Variants in PSME4 observed in about 807,000 individuals in gnomAD.
PSME4 encodes the protein proteasome activator complex subunit 4.
A neutral mutation model predicts 253.9 loss-of-function variants in PSME4; 89 were observed. That is an observed-to-expected ratio of 0.35 (90% confidence interval 0.30 to 0.42). The LOEUF is 0.42. PSME4 is among the 10% of genes least tolerant of loss of function. The pLI is 1.00. For missense variants in PSME4, 2,014 were observed against 2,195.2 expected (o/e 0.92, Z 1.65); for synonymous variants, 851 against 759.2 (o/e 1.12, Z -1.99).
intron 1 of PSME4, among the ~76,000 whole-genome samples, chr2:53,965,654 G>A (rs186821362): frequency 2.0e-5 from 3 of 147,254 alleles, no homozygotes; most frequent in East Asian, 2.1e-4. Flanking sequence ...TTAAAATTTT[G>A]GTTGTGTGTT....
At chr2:53,927,944 C>T (rs1260612945) in intron 11 of PSME4, among the ~76,000 whole-genome samples, 173 bp downstream of exon 11, 2 of 151,948 alleles carry the variant, frequency 1.3e-5, no homozygotes, top group Non-Finnish European at 2.9e-5. Context: ...ACCAAGACTC[C>T]GTCTCAAAAT....
chr2:53,896,579 G>A lies in PSME4; in HGVS notation c.3688+225C>T, dbSNP rs775886223. 5.9e-4 allele frequency among the ~76,000 whole-genome samples: 89 copies of A among 152,122 alleles called. 3 individuals are homozygous for A. Among genetic ancestry groups the A allele is most frequent in the Non-Finnish European group, 1.9e-4 (13 of 68,010 alleles). ...AGTTGATAAAATAATTAGTATAATT[G>A]CTTAGTAGGTGAGATAAATATGAAG... On this transcript the variant is annotated intron_variant, in intron 32 of 46. Coordinates refer to ENST00000404125, the MANE Select transcript of PSME4 (RefSeq NM_014614.3).
At chr2:53,943,707 T>G (rs758076985) in intron 3 of PSME4, among the ~76,000 whole-genome samples, 5 of 151,854 alleles carry the variant, frequency 3.3e-5, no homozygotes, top group Non-Finnish European at 7.4e-5. Flanking sequence ...CTGGGTGTGG[T>G]GGCGCACACC....
chr2:53,963,894 T>C (rs1261759950), intron 1 of PSME4, among the ~76,000 whole-genome samples: 1 of 152,084 alleles, frequency 6.6e-6, no homozygotes, highest in Non-Finnish European at 1.5e-5. Flanking sequence ...GAATAAATAA[T>C]ATACTTCAAA....
chr2:53,956,112 A>G (rs1670226657), intron 1 of PSME4, among the ~76,000 whole-genome samples: 1 of 152,138 alleles, frequency 6.6e-6, no homozygotes, highest in Non-Finnish European at 1.5e-5. Flanking sequence ...GCAAAACCAC[A>G]TCTCTACAAA....
chr2:53,961,634 C>A (rs1001064414), intron 1 of PSME4, among the ~76,000 whole-genome samples: 1 of 151,902 alleles, frequency 6.6e-6, no homozygotes, highest in Non-Finnish European at 1.5e-5. Flanking sequence ...GCTGTGACAG[C>A]GCCACTGCAC....
At chr2:53,945,883 T>C (rs974741715) in intron 3 of PSME4, among the ~76,000 whole-genome samples, 1 of 152,228 alleles carries the variant, frequency 6.6e-6, no homozygotes, top group Non-Finnish European at 1.5e-5. Context: ...GTAGGTTATA[T>C]GATTTATAAA....
At chr2:53,907,817 C>G (rs963576190) in intron 24 of PSME4, among the ~76,000 whole-genome samples, 9 of 152,156 alleles carry the variant, frequency 5.9e-5, no homozygotes, top group Non-Finnish European at 1.0e-4. Flanking sequence ...ACAATGAACT[C>G]ATACAACCTT....
intron 20 of PSME4, among the ~76,000 whole-genome samples, chr2:53,915,866 T>A (rs1046285594): frequency 1.3e-5 from 2 of 151,822 alleles, no homozygotes; most frequent in South Asian, 4.2e-4. Flanking sequence ...AGGTCAGGAG[T>A]TCGAGACCAG....
At chr2:53,909,925 G>A (rs543919484) in intron 21 of PSME4, 150 bp downstream of exon 21, 34 of 737,956 alleles carry the variant, frequency 4.6e-5, no homozygotes, top group South Asian at 2.2e-4. Flanking sequence ...AGCAGAGATC[G>A]CGTCACCACA....
rs185318849 is a variant in PSME4 at position 53,949,994 on chromosome 2, G to A, written c.243-711C>T. Among the ~76,000 whole-genome samples, 33 of 152,228 alleles carry A rather than the reference G, an allele frequency of 2.2e-4. No individual in the cohort carries two copies. In the East Asian group the frequency reaches 4.2e-3, roughly 20 times the overall value. ...TGTACTTCAATTGAGACATAACCAG[G>A]CCAGGCAAAGTAGTTCATGCCTGTA... On this transcript the variant is annotated intron_variant, in intron 1 of 46. Coordinates refer to ENST00000404125, the MANE Select transcript of PSME4 (RefSeq NM_014614.3).
At chr2:53,943,169 G>T (rs1669533058) in intron 3 of PSME4, among the ~76,000 whole-genome samples, 1 of 152,230 alleles carries the variant, frequency 6.6e-6, no homozygotes, top group South Asian at 2.1e-4. Context: ...CTCATAGCCA[G>T]AAGTACTTGC....
chr2:53,886,907 C>CA (rs1679665249), intron 40 of PSME4, among the ~76,000 whole-genome samples: 1 of 151,930 alleles, frequency 6.6e-6, no homozygotes. Flanking sequence ...AAGCCAGACA[C>CA]AAAAAAGACT....
At chr2:53,866,616 C>A in intron 45 of PSME4, 131 bp downstream of exon 45, 1 of 961,794 alleles carries the variant, frequency 1.0e-6, no homozygotes, top group South Asian at 2.2e-5. Flanking sequence ...TACTGGTGAG[C>A]AGACTAAGCC....
intron 3 of PSME4, among the ~76,000 whole-genome samples, chr2:53,940,970 T>TAATACATATTTAA (rs1558413968): frequency 4.5e-5 from 3 of 67,064 alleles, no homozygotes; most frequent in Non-Finnish European, 6.8e-5. Flanking sequence ...TATATATATA[T>TAATACATATTTAA]ATATATATAT....
At chr2:53,919,325 C>G in intron 19 of PSME4, 79 bp from the exon 20 acceptor site, 1 of 1,449,156 alleles carries the variant, frequency 6.9e-7, no homozygotes, top group South Asian at 1.4e-5. Context: ...CAGAAGTTTT[C>G]TCACGTGGGG....
rs1669011107 is a variant in PSME4 at position 53,934,487 on chromosome 2, C to T, written c.957+118G>A. The T allele has an allele frequency of 3.9e-6, 4 of 1,023,586 alleles. No homozygotes were observed. In the East Asian group the frequency reaches 7.5e-5, roughly 19 times the overall value. 63.4% of individuals were successfully genotyped at this position (1,023,586 alleles called of 1,614,324 possible). A position where few individuals can be genotyped will look rare whatever the true frequency, so the allele number is the denominator to read the frequency against. On this transcript the variant is annotated intron_variant, in intron 8 of 46. Coordinates refer to ENST00000404125, the MANE Select transcript of PSME4 (RefSeq NM_014614.3). ...TGAGCTTGCTAAATCAGAAAATATCCAAGAATCAAGTCACCAACCAAGCCA... is the reference window on the plus strand; with the variant it reads ...TGAGCTTGCTAAATCAGAAAATATCTAAGAATCAAGTCACCAACCAAGCCA...
Position 53,897,956 on chromosome 2 carries a change from G to C in PSME4, c.3520C>G (p.Leu1174Val), listed in dbSNP as rs1486880980. The C allele has an allele frequency of 1.2e-6, 2 of 1,613,234 alleles. No individual in the cohort carries two copies. Among genetic ancestry groups the C allele is most frequent in the Admixed American group, 3.3e-5 (2 of 60,012 alleles). The change falls in exon 31 of 47, where the codon CTG (leucine) becomes GTG (valine). Residue 1174 changes from leucine (L) to valine (V), a missense_variant. Coordinates refer to ENST00000404125, the MANE Select transcript of PSME4 (RefSeq NM_014614.3). ...EHIGIGLLSL[L>V]LRDDRVLPLR... is the part of the protein sequence containing the mutation. ...GGCAACACTCGGTCATCTCTCAGCA[G>C]TAGAGACAGAAGCCCAATGCCTATA...
chr2:53,874,679 G>A (rs548898664), intron 42 of PSME4, among the ~76,000 whole-genome samples, 185 bp from the exon 43 acceptor site: 1 of 152,318 alleles, frequency 6.6e-6, no homozygotes, highest in East Asian at 1.9e-4. Flanking sequence ...AGTGGCTCAC[G>A]CCTGTAATCT....
Sources: allele counts gnomAD v4.1 joint callset (sites outside exome capture counted in the v4.1 genomes callset), GRCh38; gene constraint gnomAD v4.1.1; transcripts MANE v1.5; gene names NCBI Gene and HGNC (gene_info 2026-07-23, HGNC 2026-07-21).